CAP2: variants seen among roughly 807,000 people sequenced by gnomAD.
The protein encoded by CAP2 is cyclase associated actin cytoskeleton regulatory protein 2, also known as adenylyl cyclase-associated protein 2.
A neutral mutation model predicts 57.7 loss-of-function variants in CAP2; 24 were observed. The observed-to-expected ratio is 0.42, with a 90% confidence interval of 0.30 to 0.58. The LOEUF (loss-of-function observed/expected upper bound fraction) is 0.58, where lower values mean the gene tolerates loss of function less well. Among genes scored for constraint, CAP2 ranks in the 20% least tolerant of loss-of-function variants. The probability of loss-of-function intolerance (pLI) is 0.22; values close to 1 mark genes in which losing one functional copy is unlikely to be tolerated. For missense variants in CAP2, 501 were observed against 590.3 expected, an observed-to-expected ratio of 0.85 and a Z score of 1.57; for synonymous variants, 194 against 207.2, an observed-to-expected ratio of 0.94 and a Z score of 0.55.
At chr6:17,483,914 G>C (rs532106251) in intron 4 of CAP2, among the ~76,000 whole-genome samples, 4 of 152,048 alleles carry the variant, frequency 2.6e-5, no homozygotes, top group Admixed American at 2.6e-4. Flanking sequence ...GCCCTGGATA[G>C]AGCCCCATAG....
chr6:17,434,635 C>T (rs1759826196), intron 3 of CAP2, among the ~76,000 whole-genome samples: 1 of 152,220 alleles, frequency 6.6e-6, no homozygotes, highest in Non-Finnish European at 1.5e-5. Context: ...GTGTTCATCC[C>T]ATTTCCCTCC....
intron 1 of CAP2, among the ~76,000 whole-genome samples, chr6:17,394,338 C>G (rs1460171358): frequency 1.3e-5 from 2 of 152,086 alleles, no homozygotes; most frequent in Non-Finnish European, 2.9e-5. Context: ...AAACGGCACC[C>G]GCCGCTGGCT....
intron 7 of CAP2, among the ~76,000 whole-genome samples, chr6:17,534,011 G>C (rs1762711660): frequency 6.6e-6 from 1 of 152,114 alleles, no homozygotes; most frequent in Non-Finnish European, 1.5e-5. Context: ...TTTGTGTATG[G>C]ATCACTGCTC....
chr6:17,495,818 G>T (rs1486239307), intron 4 of CAP2, among the ~76,000 whole-genome samples: 1 of 152,098 alleles, frequency 6.6e-6, no homozygotes, highest in Non-Finnish European at 1.5e-5. Context: ...GAGAAAGCAA[G>T]AAAATACAGA....
chr6:17,444,903 T>C (rs1374806507), intron 3 of CAP2, among the ~76,000 whole-genome samples: 1 of 151,496 alleles, frequency 6.6e-6, no homozygotes, highest in African/African-American at 2.4e-5. Context: ...CCTCATTCCC[T>C]TCATTCTCGT....
chr6:17,453,402 C>A (rs1274056413), intron 3 of CAP2, among the ~76,000 whole-genome samples: 2 of 152,200 alleles, frequency 1.3e-5, no homozygotes, highest in African/African-American at 2.4e-5. Flanking sequence ...CGGGAAAAGA[C>A]AAATGCCTAT....
Position 17,507,731 on chromosome 6 carries a change from G to A in CAP2, c.530+5G>A, listed in dbSNP as rs144444597. The A allele has an allele frequency of 1.3e-6, 2 of 1,545,360 alleles. No homozygotes were observed. Among genetic ancestry groups the A allele is most frequent in the East Asian group, 2.2e-5 (1 of 44,542 alleles). On this transcript the variant is annotated splice_donor_5th_base_variant and intron_variant, in intron 6 of 12. Coordinates refer to ENST00000229922, the MANE Select transcript of CAP2 (RefSeq NM_006366.3). ...CTTAAAGGACTACAAACACAGGTAC[G>A]TACCTTCCTTTACTCACCAAATTTT...
intron 7 of CAP2, among the ~76,000 whole-genome samples, chr6:17,523,847 G>A (rs967016471): frequency 2.6e-5 from 4 of 152,098 alleles, no homozygotes; most frequent in African/African-American, 9.7e-5. Flanking sequence ...AGGTTGAGGC[G>A]GTTGGATCAC....
chr6:17,509,082 C>T (rs1046813383), intron 6 of CAP2, among the ~76,000 whole-genome samples: 3 of 151,956 alleles, frequency 2.0e-5, no homozygotes, highest in Non-Finnish European at 4.4e-5. Flanking sequence ...TTTACTAATG[C>T]AGATCTGAAA....
chr6:17,410,247 A>G (rs564043163), intron 1 of CAP2, among the ~76,000 whole-genome samples: 27 of 152,264 alleles, frequency 1.8e-4, no homozygotes, highest in Admixed American at 1.7e-3. Flanking sequence ...CACCTCTGTT[A>G]CAGTAATTCT....
intron 4 of CAP2, 108 bp downstream of exon 4, chr6:17,463,181 A>G (rs997167108): frequency 4.1e-6 from 3 of 730,046 alleles, no homozygotes; most frequent in Non-Finnish European, 7.3e-6. Context: ...TAAAAATGAG[A>G]CTTACAGCAC....
chr6:17,461,859 G>A (rs1426091141), intron 3 of CAP2, among the ~76,000 whole-genome samples: 4 of 150,922 alleles, frequency 2.7e-5, no homozygotes, highest in Non-Finnish European at 5.9e-5. Flanking sequence ...CAGGCGTGGT[G>A]GCGGGCGCCT....
At chr6:17,514,995 C>T (rs138199155) in intron 7 of CAP2, among the ~76,000 whole-genome samples, 5 of 151,848 alleles carry the variant, frequency 3.3e-5, no homozygotes, top group South Asian at 2.1e-4. Context: ...GTCAGGAGTT[C>T]GAGACCAGCC....
At chr6:17,463,117 A>G (rs762342130) in intron 4 of CAP2, 44 bp downstream of exon 4, 1 of 1,382,684 alleles carries the variant, frequency 7.2e-7, no homozygotes, top group Admixed American at 1.7e-5. Flanking sequence ...GGGTATGCGC[A>G]GTGTAAGATG....
intron 6 of CAP2, among the ~76,000 whole-genome samples, chr6:17,511,805 G>T (rs1289837326): frequency 6.6e-6 from 1 of 152,068 alleles, no homozygotes; most frequent in Non-Finnish European, 1.5e-5. Context: ...GCTTTATAGA[G>T]GTGTGGTCTC....
intron 1 of CAP2, among the ~76,000 whole-genome samples, chr6:17,416,431 C>G (rs1759277389): frequency 6.6e-6 from 1 of 152,138 alleles, no homozygotes; most frequent in Non-Finnish European, 1.5e-5. Flanking sequence ...TATAGTATAC[C>G]TCCTGGCTCA....
At chr6:17,548,213 A>G (rs980540748) in intron 11 of CAP2, among the ~76,000 whole-genome samples, 1 of 151,852 alleles carries the variant, frequency 6.6e-6, no homozygotes, top group Non-Finnish European at 1.5e-5. Flanking sequence ...TAAAAAATAC[A>G]AAAAAATAGC....
chr6:17,493,443 C>A, intron 4 of CAP2: 1 of 317,316 alleles, frequency 3.2e-6, no homozygotes, highest in South Asian at 2.7e-5. Flanking sequence ...AATTTCACCG[C>A]CAACCACAGA....
intron 4 of CAP2, among the ~76,000 whole-genome samples, chr6:17,479,607 ATTTTTTTT>A (rs11336517): frequency 7.9e-6 from 1 of 126,466 alleles, no homozygotes; most frequent in South Asian, 2.4e-4. Flanking sequence ...CTGCTTTTTA[ATTTTTTTT>A]TTTTTTTTTT....
Sources: gnomAD v4.1 joint callset for allele counts (sites outside exome capture counted in the v4.1 genomes callset) on GRCh38, gnomAD v4.1.1 for gene constraint, MANE v1.5 for transcripts, NCBI Gene and HGNC (gene_info 2026-07-23, HGNC 2026-07-21) for gene names.